The following GRM7 variants were observed in gnomAD, a reference collection of about 807,000 sequenced individuals.
GRM7 encodes metabotropic glutamate receptor 7.
A neutral mutation model predicts 84.5 loss-of-function variants in GRM7; 35 were observed. The observed-to-expected ratio is 0.41, with a 90% CI of 0.32 to 0.55. GRM7 has a LOEUF of 0.55. GRM7 is among the 20% of genes least tolerant of loss of function. The pLI is 0.19. For missense variants in GRM7, 1,003 were observed against 1,194.6 expected (o/e 0.84, Z 2.36); for synonymous variants, 487 against 455.1 (o/e 1.07, Z -0.89).
At chr3:7,104,865 A>T (rs1699241377) in intron 1 of GRM7, among the ~76,000 whole-genome samples, 1 of 151,916 alleles carries the variant, frequency 6.6e-6, no homozygotes, top group Non-Finnish European at 1.5e-5. Context: ...ATTCAAAGTC[A>T]TGTCTCTCTG....
At chr3:7,398,603 A>C (rs1351472139) in intron 4 of GRM7, among the ~76,000 whole-genome samples, 1 of 151,934 alleles carries the variant, frequency 6.6e-6, no homozygotes, top group East Asian at 1.9e-4. Flanking sequence ...TCTTGGGAGG[A>C]CTGTGGGTGG....
intron 2 of GRM7, among the ~76,000 whole-genome samples, chr3:7,187,527 T>A (rs890581997): frequency 1.3e-5 from 2 of 152,178 alleles, no homozygotes; most frequent in African/African-American, 4.8e-5. Context: ...AGTGGTAGAA[T>A]AGAAGAAAAC....
At chr3:7,378,268 A>G (rs762094842) in intron 4 of GRM7, among the ~76,000 whole-genome samples, 5 of 152,168 alleles carry the variant, frequency 3.3e-5, no homozygotes, top group Non-Finnish European at 5.9e-5. Context: ...TTGGTACCAC[A>G]TGAGGTCTGA....
chr3:7,637,060 TAA>T (rs777320435), intron 8 of GRM7, among the ~76,000 whole-genome samples: 1 of 152,240 alleles, frequency 6.6e-6, no homozygotes, highest in Non-Finnish European at 1.5e-5. Context: ...CCCCATTTTT[TAA>T]AAGAGTGGTT....
chr3:7,727,924 T>C (rs1464982530), intron 9 of GRM7, among the ~76,000 whole-genome samples: 1 of 152,230 alleles, frequency 6.6e-6, no homozygotes, highest in Admixed American at 6.5e-5. Context: ...TCTGCGATTC[T>C]GTCTTTTGCC....
chr3:7,034,479 T>C (rs1372724695), intron 1 of GRM7, among the ~76,000 whole-genome samples: 2 of 152,220 alleles, frequency 1.3e-5, no homozygotes, highest in South Asian at 2.1e-4. Flanking sequence ...ACTTGATTTA[T>C]AGCTACCTTA....
At chr3:7,448,566 G>T (rs192783705) in intron 5 of GRM7, among the ~76,000 whole-genome samples, 2 of 152,136 alleles carry the variant, frequency 1.3e-5, no homozygotes, top group African/African-American at 4.8e-5. Flanking sequence ...AGACTCAGAG[G>T]TTGGCAAATA....
chr3:7,525,935 A>G (rs1234277803), intron 7 of GRM7, among the ~76,000 whole-genome samples: 2 of 152,106 alleles, frequency 1.3e-5, no homozygotes, highest in East Asian at 1.9e-4. Flanking sequence ...TATGTTACGT[A>G]CCGCAGTTTT....
chr3:6,987,080 T>C (rs1401332091), intron 1 of GRM7, among the ~76,000 whole-genome samples: 1 of 152,216 alleles, frequency 6.6e-6, no homozygotes, highest in Non-Finnish European at 1.5e-5. Flanking sequence ...TCTTTTCTCC[T>C]CTGTTCTTTC....
chr3:6,882,303 G>C lies in GRM7; in HGVS notation c.519+20396G>C, dbSNP rs1026326559. Among the ~76,000 whole-genome samples, 9 of 152,194 alleles carry C rather than the reference G, an allele frequency of 5.9e-5. No individual in the cohort carries two copies. The East Asian group carries it at 1.7e-3, about 29-fold the overall frequency. Reference sequence around the variant, plus strand: ...AATTGGAAAATTCGGGAAATCTAAAGCTTCTTGTTGAAAATTAAAATACTT... The same window carrying C: ...AATTGGAAAATTCGGGAAATCTAAACCTTCTTGTTGAAAATTAAAATACTT... On this transcript the variant is annotated intron_variant, in intron 1 of 9. Transcript: ENST00000357716.
Position 7,675,998 on chromosome 3 carries a change from G to A in GRM7, c.2452-4051G>A, listed in dbSNP as rs762562341. On this transcript the variant is annotated intron_variant, in intron 8 of 9. Transcript: ENST00000357716. ...GTTATAGCTATGGGTTCTGCACATC[G>A]GACTTTTTTTTTTGTCGCCCAGGCT... Among the ~76,000 whole-genome samples, 96 of 151,766 alleles carry A rather than the reference G, an allele frequency of 6.3e-4. 1 individual carries two copies. The highest frequency in any genetic ancestry group is 2.4e-4 in the Non-Finnish European group (16 of 68,006).
At chr3:7,229,737 ATATATATATATATATATATATATTTT>A (rs1697107554) in intron 2 of GRM7, among the ~76,000 whole-genome samples, 3 of 21,894 alleles carry the variant, frequency 1.4e-4, no homozygotes, top group South Asian at 2.8e-3. Context: ...ATATATATAT[ATATATATATATATATATATATATTTT>A]TTTTTTTTTT....
rs369799542 is a variant in GRM7 at position 7,326,833 on chromosome 3, CA to C, written c.1033+20197del. Among the ~76,000 whole-genome samples, 946 of 109,830 alleles carry C rather than the reference CA, an allele frequency of 8.6e-3. 6 individuals are homozygous for C. Among genetic ancestry groups the C allele is most frequent in the African/African-American group, 0.023 (661 of 28,560 alleles). 72.1% of individuals were successfully genotyped at this position (109,830 alleles called of 152,430 possible). A position where few individuals can be genotyped will look rare whatever the true frequency, so the allele number is the denominator to read the frequency against. On this transcript the variant is annotated intron_variant, in intron 4 of 9. Coordinates refer to ENST00000357716, the MANE Select transcript of GRM7 (RefSeq NM_000844.4). ...TGGGCAACACAGTGGAACTCCGTCTCAAAAAAAAAAAAAAAAGTTTATCCCA... is the reference window on the plus strand; with the variant it reads ...TGGGCAACACAGTGGAACTCCGTCTCAAAAAAAAAAAAAAAGTTTATCCCA...
intron 5 of GRM7, among the ~76,000 whole-genome samples, chr3:7,432,641 A>T (rs1575327139): frequency 1.3e-5 from 2 of 152,192 alleles, no homozygotes; most frequent in Non-Finnish European, 2.9e-5. Context: ...GTTTAAAAAA[A>T]AAAAAAATAG....
At chr3:6,893,746 A>G (rs3933121) in intron 1 of GRM7, among the ~76,000 whole-genome samples, 1 of 152,200 alleles carries the variant, frequency 6.6e-6, no homozygotes, top group Non-Finnish European at 1.5e-5. Flanking sequence ...AACATTTTAC[A>G]TTTGGTTATT....
chr3:7,375,329 C>T (rs1324976420), intron 4 of GRM7, among the ~76,000 whole-genome samples: 5 of 151,456 alleles, frequency 3.3e-5, no homozygotes, highest in African/African-American at 1.2e-4. Context: ...AGCTATTCTC[C>T]TGCCTCAGCC....
chr3:7,150,355 G>A (rs541419222), intron 2 of GRM7, among the ~76,000 whole-genome samples: 20 of 152,208 alleles, frequency 1.3e-4, no homozygotes, highest in Middle Eastern at 3.4e-3. Flanking sequence ...ACAGTGCACC[G>A]ATAAGCGCCT....
At chr3:6,998,229 G>A (rs561136999) in intron 1 of GRM7, among the ~76,000 whole-genome samples, 6 of 150,626 alleles carry the variant, frequency 4.0e-5, no homozygotes, top group Non-Finnish European at 8.8e-5. Context: ...AAAACAAAGG[G>A]GCTACAGGCC....
chr3:7,427,078 T>A (rs1696640693), intron 5 of GRM7, among the ~76,000 whole-genome samples: 1 of 152,160 alleles, frequency 6.6e-6, no homozygotes, highest in South Asian at 2.1e-4. Flanking sequence ...GGGCTGCATG[T>A]GATAAATGTT....
Sources: gnomAD v4.1 joint callset for allele counts (sites outside exome capture counted in the v4.1 genomes callset) on GRCh38, gnomAD v4.1.1 for gene constraint, MANE v1.5 for transcripts, NCBI Gene and HGNC (gene_info 2026-07-23, HGNC 2026-07-21) for gene names.